Variants in ERCC2 observed in about 807,000 individuals in gnomAD.
ERCC2 encodes the protein general transcription and DNA repair factor IIH helicase subunit XPD.
Under a neutral mutation model 99.4 loss-of-function variants are expected in ERCC2, and 90 were observed. The ratio of observed to expected loss-of-function variants is 0.91; its 90% confidence interval spans 0.76 to 1.08. ERCC2 has a LOEUF of 1.08. Ranked by LOEUF, ERCC2 falls within the 50% of genes least tolerant of loss-of-function variation. The pLI is 0.00. For missense variants in ERCC2, 993 were observed against 1,038.1 expected, an observed-to-expected ratio of 0.96 and a Z score of 0.60; for synonymous variants, 497 against 432.4, an observed-to-expected ratio of 1.15 and a Z score of -1.85.
intron 22 of ERCC2, among the ~76,000 whole-genome samples, 163 bp from the exon 23 acceptor site, chr19:45,351,884 A>T (rs985304101): frequency 6.6e-6 from 1 of 152,180 alleles, no homozygotes; most frequent in African/African-American, 2.4e-5. Flanking sequence ...CTGTCAACAT[A>T]AGATGGGGCT....
chr19:45,350,193 A>AG lies in ERCC2; in HGVS notation c.*1435dup. The stretch of plus-strand genomic sequence containing the variant: ...CCCCAACACTTTGGGAGGCCAAGGC[A>AG]GGAGGATCACTTGAGGCTAGGAGTT... On this transcript the variant is annotated 3_prime_UTR_variant, in exon 23 of 23. Coordinates refer to ENST00000391945, the MANE Select transcript of ERCC2 (RefSeq NM_000400.4). 1 of 635,334 alleles carries AG rather than the reference A, an allele frequency of 1.6e-6. No individual in the cohort carries two copies. Among genetic ancestry groups the AG allele is most frequent in the Non-Finnish European group, 2.7e-6 (1 of 366,806 alleles). The allele number at this position is 635,334 out of a possible 1,614,324, so 39.4% of individuals were successfully genotyped here. A position where few individuals can be genotyped will look rare whatever the true frequency, so the allele number is the denominator to read the frequency against.
In ERCC2 at chr19:45,368,758, G is replaced by C. The variant is rs1392475069; in HGVS notation, c.247-15C>G. 1.2e-5 allele frequency: 19 copies of C among 1,598,142 alleles called. 1 individual carries two copies. The highest frequency in any genetic ancestry group is 2.7e-5 in the African/African-American group (2 of 74,512). On this transcript the variant is annotated splice_polypyrimidine_tract_variant and intron_variant, in intron 4 of 22. Coordinates refer to ENST00000391945, the MANE Select transcript of ERCC2 (RefSeq NM_000400.4). ...TCTTCAATCACCTACTCCAAAGTTG[G>C]GGGGCAGGGGGAGCTTGTGCTCATT...
At chr19:45,363,645 T>C in intron 11 of ERCC2, 98 bp downstream of exon 11, 1 of 1,333,644 alleles carries the variant, frequency 7.5e-7, no homozygotes, top group Admixed American at 2.3e-5. Context: ...TCACTCCTGA[T>C]GCTGCAGTGG....
chr19:45,370,055 C>G (rs1972552143), intron 2 of ERCC2, 78 bp downstream of exon 2: 1 of 1,348,988 alleles, frequency 7.4e-7, no homozygotes, highest in Non-Finnish European at 1.1e-6. Flanking sequence ...AAAATCCAGA[C>G]GTCCTGCAAT....
intron 21 of ERCC2, 51 bp downstream of exon 21, chr19:45,352,439 ATGAACGGGAAACAGCC>A: frequency 6.2e-7 from 1 of 1,613,940 alleles, no homozygotes. Context: ...CACCTGGGAA[ATGAACGGGAAACAGCC>A]TGGTTCTTGG....
In ERCC2 at chr19:45,370,122, C is replaced by T. The variant is rs543282801; in HGVS notation, c.105+11G>A. On this transcript the variant is annotated intron_variant, in intron 2 of 22. Transcript: ENST00000391945. ...GGTCGAGTGGGCGGGTCGGGCCCAC[C>T]GGCCACCCACCTTGGCGTCCAGCGT... The T allele has an allele frequency of 6.2e-7, 1 of 1,612,290 alleles. No homozygotes were observed. The highest frequency in any genetic ancestry group is 2.2e-5 in the East Asian group (1 of 44,828).
chr19:45,354,860 G>C lies in ERCC2; in HGVS notation c.1544-9C>G. 1 of 1,613,920 alleles carries C rather than the reference G, an allele frequency of 6.2e-7. No individual in the cohort carries two copies. The highest frequency in any genetic ancestry group is 8.5e-7 in the Non-Finnish European group (1 of 1,179,878). ...ATAGTTCCGGATCACAGCTGCAAGGGGTCAGAGGTTGGGCCCTCTCCTGGC... is the reference window on the plus strand; with the variant it reads ...ATAGTTCCGGATCACAGCTGCAAGGCGTCAGAGGTTGGGCCCTCTCCTGGC... On this transcript the variant is annotated splice_polypyrimidine_tract_variant and intron_variant, in intron 16 of 22. Coordinates refer to ENST00000391945, the MANE Select transcript of ERCC2 (RefSeq NM_000400.4).
chr19:45,358,020 A>T, intron 12 of ERCC2: 1 of 482,416 alleles, frequency 2.1e-6, no homozygotes, highest in South Asian at 2.2e-5. Flanking sequence ...CAGGAGCCAG[A>T]GCCTCAAGCT....
chr19:45,361,577 G>A lies in ERCC2; in HGVS notation c.1184C>T (p.Ser395Phe). 1.9e-6 allele frequency: 3 copies of A among 1,614,078 alleles called. No homozygotes were observed. The highest frequency in any genetic ancestry group is 2.5e-6 in the Non-Finnish European group (3 of 1,179,944). ...AAAGTTAGCAAGGAGGGTGAGCGGG[G>A]AGAAGTCAGCAAGGTCGGTGATCTC... ...TLEITDLADF[S>F]PLTLLANFAT... The change falls in exon 12 of 23, where the codon TCC (serine) becomes TTC (phenylalanine). Residue 395 changes from serine (S) to phenylalanine (F), a missense_variant. This residue lies in a region of ERCC2 where 909 missense variants were observed against 930.8 expected (regional missense o/e 0.98). Coordinates refer to ENST00000391945, the MANE Select transcript of ERCC2 (RefSeq NM_000400.4).
At chr19:45,358,109 G>C (rs1369298590) in intron 12 of ERCC2, 1 of 300,360 alleles carries the variant, frequency 3.3e-6, no homozygotes, top group Non-Finnish European at 6.5e-6. Flanking sequence ...GCAGTGGCAT[G>C]ATCTCGGCTC....
chr19:45,355,873 TTGAACACC>T, intron 15 of ERCC2, 145 bp from the exon 16 acceptor site: 1 of 720,150 alleles, frequency 1.4e-6, no homozygotes, highest in Non-Finnish European at 2.4e-6. Context: ...CAGGCTGATC[TTGAACACC>T]TGGCCTCAAG....
At chr19:45,361,802 G>A (rs752283443) in intron 11 of ERCC2, 160 bp from the exon 12 acceptor site, 13 of 678,980 alleles carry the variant, frequency 1.9e-5, no homozygotes, top group South Asian at 3.1e-5. Flanking sequence ...GCACCCCCAC[G>A]CTGTACACCT....
chr19:45,350,588 GTGGGGACTGCATGGGCCT>G lies in ERCC2; in HGVS notation c.*1023_*1040del, dbSNP rs748292230. ...CTGTGCTTCGGCTCCTGGGGTGGGC[GTGGGGACTGCATGGGCCT>G]GGGGGACTGAGCAGCATCCCCGGCC... is the stretch of plus-strand genomic sequence containing the variant. On this transcript the variant is annotated 3_prime_UTR_variant, in exon 23 of 23. Transcript: ENST00000391945. 5.6e-6 allele frequency: 9 copies of G among 1,613,832 alleles called. No homozygotes were observed. The highest frequency in any genetic ancestry group is 1.7e-4 in the Middle Eastern group (1 of 6,058).
chr19:45,364,690 C>G, intron 7 of ERCC2, 143 bp from the exon 8 acceptor site: 1 of 1,353,236 alleles, frequency 7.4e-7, no homozygotes, highest in East Asian at 2.4e-5. Context: ...TGGATAGAGA[C>G]AGACCAACAG....
chr19:45,356,140 G>GCCAGCC (rs1972004528), intron 15 of ERCC2, among the ~76,000 whole-genome samples: 1 of 152,106 alleles, frequency 6.6e-6, no homozygotes, highest in African/African-American at 2.4e-5. Context: ...CTACACTCTA[G>GCCAGCC]CCAGCCCCAG....
At chr19:45,356,038 C>CA (rs928152850) in intron 15 of ERCC2, among the ~76,000 whole-genome samples, 1 of 152,170 alleles carries the variant, frequency 6.6e-6, no homozygotes, top group Non-Finnish European at 1.5e-5. Flanking sequence ...GACCTGGGCT[C>CA]AGAGAAGGTG....
intron 15 of ERCC2, among the ~76,000 whole-genome samples, chr19:45,356,804 T>G (rs1475267707): frequency 1.3e-5 from 2 of 152,106 alleles, no homozygotes; most frequent in Non-Finnish European, 2.9e-5. Context: ...CAAGACTCCG[T>G]CGCACAACAA....
In ERCC2 at chr19:45,351,443, C is replaced by T. The variant is rs1440898258; in HGVS notation, c.*186G>A. ...GGGGTGAGAGGGGGTCTATCATCTC[C>T]TGGCCCCCCCTTGCCTCTGGGTACC... On this transcript the variant is annotated 3_prime_UTR_variant, in exon 23 of 23. Transcript: ENST00000391945. 12 of 1,584,976 alleles carry T rather than the reference C, an allele frequency of 7.6e-6. No homozygotes were observed. The highest frequency in any genetic ancestry group is 1.0e-5 in the Non-Finnish European group (12 of 1,168,938).
At position 45,363,972 on chromosome 19, in the gene ERCC2, G is replaced by A. The variant is rs985666804; in HGVS notation, c.949+14C>T. 2 of 1,538,482 alleles carry A rather than the reference G, an allele frequency of 1.3e-6. No individual in the cohort carries two copies. Among genetic ancestry groups the A allele is most frequent in the Non-Finnish European group, 1.7e-6 (2 of 1,146,854 alleles). ...GGGAAAGGGACTGGGGGGCAGCGGG[G>A]GGTCGGGGCTCACCCTGCAGCACTT... is the stretch of plus-strand genomic sequence containing the variant. On this transcript the variant is annotated intron_variant, in intron 10 of 22. Transcript: ENST00000391945.
Sources: allele counts gnomAD v4.1 joint callset (sites outside exome capture counted in the v4.1 genomes callset), GRCh38; gene constraint gnomAD v4.1.1; regional missense constraint gnomAD v4.1.1; transcripts MANE v1.5; gene names NCBI Gene and HGNC (gene_info 2026-07-23, HGNC 2026-07-21).